The following TENM4 variants were observed in gnomAD, a reference collection of about 807,000 sequenced individuals.
TENM4 encodes teneurin-4.
In TENM4, 82 loss-of-function variants were observed where a neutral mutation model predicts 243.3. The observed-to-expected ratio is 0.34, with a 90% CI of 0.28 to 0.40. TENM4 has a LOEUF of 0.40. TENM4 is among the 10% of genes least tolerant of loss of function. The probability of loss-of-function intolerance (pLI) is 1.00; values close to 1 mark genes in which losing one functional copy is unlikely to be tolerated. For synonymous variants in TENM4, 1,412 were observed against 1,456.3 expected, an observed-to-expected ratio of 0.97 and a Z score of 0.69; for missense variants, 3,138 against 3,673.3, an observed-to-expected ratio of 0.85 and a Z score of 3.77.
intron 18 of TENM4, among the ~76,000 whole-genome samples, chr11:78,759,018 G>A (rs1315325014): frequency 6.6e-6 from 1 of 152,194 alleles, no homozygotes; most frequent in Non-Finnish European, 1.5e-5. Flanking sequence ...TGGTATCATA[G>A]TGCTTAATTC....
At chr11:79,340,258 C>T (rs573144829) in intron 1 of TENM4, among the ~76,000 whole-genome samples, 1 of 152,294 alleles carries the variant, frequency 6.6e-6, no homozygotes, top group East Asian at 1.9e-4. Context: ...TGGGTCTTGT[C>T]TTCCATTACT....
At chr11:79,213,426 A>G (rs2135220659) in intron 3 of TENM4, among the ~76,000 whole-genome samples, 1 of 152,336 alleles carries the variant, frequency 6.6e-6, no homozygotes, top group East Asian at 1.9e-4. Flanking sequence ...CTTGTCTAGT[A>G]ATATACACAC....
At chr11:78,851,619 G>A (rs1858541207) in intron 12 of TENM4, among the ~76,000 whole-genome samples, 1 of 152,088 alleles carries the variant, frequency 6.6e-6, no homozygotes, top group African/African-American at 2.4e-5. Flanking sequence ...ACGCTTAAGG[G>A]AAATCAGGCC....
At position 78,661,470 on chromosome 11, in the gene TENM4, C is replaced by G. The variant is rs1858028501; in HGVS notation, c.7530G>C (p.Thr2510=). Residue 2510 remains threonine (T), a synonymous_variant, in exon 33 of 34, where the codon ACG becomes ACC. Transcript: ENST00000278550. ...SYELIHTQMK[T]QEWDNSKSIL... ...TTACCTTGCTGTTGTCCCACTCCTG[C>G]GTTTTCATCTGTGTGTGGATGAGCT... 1.2e-6 allele frequency: 2 copies of G among 1,609,800 alleles called. No individual in the cohort carries two copies. Among genetic ancestry groups the G allele is most frequent in the Non-Finnish European group, 1.7e-6 (2 of 1,178,222 alleles).
intron 4 of TENM4, among the ~76,000 whole-genome samples, chr11:79,142,384 GC>G (rs1862303142): frequency 6.6e-6 from 1 of 151,842 alleles, no homozygotes; most frequent in Non-Finnish European, 1.5e-5. Context: ...ATTTATAACA[GC>G]TATAAATAAA....
Position 78,805,392 on chromosome 11 carries a change from C to T in TENM4, c.2079G>A (p.Arg693=), listed in dbSNP as rs1857369264. The T allele has an allele frequency of 1.9e-6, 3 of 1,608,278 alleles. No individual in the cohort carries two copies. The highest frequency in any genetic ancestry group is 1.7e-5 in the Admixed American group (1 of 59,534). Residue 693 remains arginine, a synonymous_variant, in exon 15 of 34, where the codon AGG becomes AGA. Coordinates refer to ENST00000278550, the MANE Select transcript of TENM4 (RefSeq NM_001098816.3). ...GWGGTNCETP[R]ATCLDQCSGH... is the part of the protein sequence containing the mutation. ...CTGAACACTGGTCTAAGCATGTGGC[C>T]CTGGGGGTCTCGCAGTTGGTGCCTC...
At chr11:78,935,081 G>A (rs923405091) in intron 6 of TENM4, among the ~76,000 whole-genome samples, 1 of 128,112 alleles carries the variant, frequency 7.8e-6, no homozygotes, top group Non-Finnish European at 1.5e-5. Context: ...GCGCAATCTC[G>A]GCTCACTGCA....
chr11:79,338,202 C>G (rs774473368), intron 1 of TENM4, among the ~76,000 whole-genome samples: 3 of 152,196 alleles, frequency 2.0e-5, no homozygotes, highest in Non-Finnish European at 2.9e-5. Flanking sequence ...ATTAAGCAGT[C>G]CCAGCATGTT....
At chr11:79,060,822 T>C (rs973406564) in intron 6 of TENM4, among the ~76,000 whole-genome samples, 2 of 152,206 alleles carry the variant, frequency 1.3e-5, no homozygotes, top group Non-Finnish European at 2.9e-5. Context: ...GGTAGGCCCA[T>C]AGCATGAGGT....
chr11:79,144,716 G>A (rs11237729), intron 4 of TENM4, among the ~76,000 whole-genome samples: 14,155 of 151,960 alleles, frequency 0.093, 932 homozygotes, highest in Non-Finnish European at 0.14. Context: ...CTCATCTGTG[G>A]GAACTAAAAA....
intron 1 of TENM4, among the ~76,000 whole-genome samples, chr11:79,333,215 T>C (rs1056079771): frequency 6.6e-6 from 1 of 150,812 alleles, no homozygotes; most frequent in East Asian, 2.0e-4. Context: ...CTGTCAGATT[T>C]CATGGCCTGC....
At position 79,019,442 on chromosome 11, in the gene TENM4, G is replaced by T. The variant is rs576813131; in HGVS notation, c.493+45296C>A. 2.6e-5 allele frequency among the ~76,000 whole-genome samples: 4 copies of T among 152,202 alleles called. 1 individual carries two copies. In the South Asian group the frequency reaches 8.3e-4, roughly 32 times the overall value. On this transcript the variant is annotated intron_variant, in intron 6 of 33. Transcript: ENST00000278550. ...TCTTCTACCTCTATAACCACCCAGG[G>T]TGCCATTTCCCCTCAACTAGCCATA...
chr11:78,687,945 T>C (rs1858726076), intron 29 of TENM4, 109 bp downstream of exon 29: 1 of 1,329,870 alleles, frequency 7.5e-7, no homozygotes. Flanking sequence ...TTGCAATGCT[T>C]TCCTGTTCTT....
At chr11:79,134,331 T>A (rs541550567) in intron 4 of TENM4, among the ~76,000 whole-genome samples, 10 of 152,214 alleles carry the variant, frequency 6.6e-5, no homozygotes, top group African/African-American at 1.7e-4. Flanking sequence ...ACAACACTGC[T>A]GAAAGAAATC....
intron 15 of TENM4, among the ~76,000 whole-genome samples, chr11:78,791,018 C>T (rs1355009498): frequency 2.0e-5 from 3 of 152,164 alleles, no homozygotes; most frequent in African/African-American, 4.8e-5. Context: ...CACTCCTCCA[C>T]CAGCCCTTTA....
At chr11:78,785,442 A>C (rs139632858) in intron 16 of TENM4, among the ~76,000 whole-genome samples, 2 of 152,200 alleles carry the variant, frequency 1.3e-5, no homozygotes, top group South Asian at 2.1e-4. Flanking sequence ...GTGGAAAACC[A>C]GGACTTTATC....
intron 4 of TENM4, among the ~76,000 whole-genome samples, chr11:79,099,487 C>CAA (rs1861168288): frequency 1.3e-5 from 2 of 152,130 alleles, no homozygotes; most frequent in South Asian, 4.1e-4. Context: ...GGGTCTATAT[C>CAA]AAAGAGGTGG....
intron 6 of TENM4, among the ~76,000 whole-genome samples, chr11:78,907,350 G>C (rs1434019118): frequency 2.0e-5 from 3 of 151,826 alleles, no homozygotes; most frequent in Admixed American, 6.6e-5. Flanking sequence ...CTCGTCTTTG[G>C]AGGGAATCTC....
chr11:78,817,765 G>C (rs1420527482), intron 12 of TENM4, among the ~76,000 whole-genome samples: 1 of 152,234 alleles, frequency 6.6e-6, no homozygotes, highest in African/African-American at 2.4e-5. Flanking sequence ...AGACGGCCTG[G>C]CTTCCAGGTG....
Sources: allele counts gnomAD v4.1 joint callset (sites outside exome capture counted in the v4.1 genomes callset), GRCh38; gene constraint gnomAD v4.1.1; transcripts MANE v1.5; gene names NCBI Gene and HGNC (gene_info 2026-07-23, HGNC 2026-07-21).